TMPRSS15: variants seen among roughly 807,000 people sequenced by gnomAD.
TMPRSS15 encodes transmembrane serine protease 15.
TMPRSS15 carries 128 observed loss-of-function variants against 125.3 expected under a neutral mutation model. The observed-to-expected ratio is 1.02, with a 90% CI of 0.89 to 1.18. TMPRSS15 has a LOEUF of 1.18. Among genes scored for constraint, TMPRSS15 ranks in the 50% most tolerant of loss-of-function variants. TMPRSS15 has a pLI of 0.00. For synonymous variants in TMPRSS15, 446 were observed against 423.2 expected (o/e 1.05, Z -0.66); for missense variants, 1,283 against 1,212.7 (o/e 1.06, Z -0.86).
chr21:18,292,048 C>G (rs726490), intron 21 of TMPRSS15, among the ~76,000 whole-genome samples: 123,689 of 152,146 alleles, frequency 0.81, 50,405 homozygotes, highest in Non-Finnish European at 0.83. Flanking sequence ...AAGATACCTA[C>G]GAGGACACAT....
intron 1 of TMPRSS15, among the ~76,000 whole-genome samples, chr21:18,433,479 G>A (rs1245259412): frequency 6.6e-6 from 1 of 151,794 alleles, no homozygotes; most frequent in African/African-American, 2.4e-5. Flanking sequence ...GATTGCTTGA[G>A]CCCAGGAGTT....
Position 18,451,894 on chromosome 21 carries a change from CATGCATGCATAATTTT to C in TMPRSS15, c.10+33889_10+33904del, listed in dbSNP as rs901749433. On this transcript the variant is annotated intron_variant, in intron 1 of 7. Transcript: ENST00000422787. ...CATGGCATGCATAAGACATGCATGA[CATGCATGCATAATTTT>C]ATGCATGCATAATTTTATGTATGCA... is the stretch of plus-strand genomic sequence containing the variant. 1.4e-3 allele frequency among the ~76,000 whole-genome samples: 169 copies of C among 124,184 alleles called. 1 individual carries two copies. The highest frequency in any genetic ancestry group is 3.8e-3 in the African/African-American group (115 of 30,174). 81.5% of individuals were successfully genotyped at this position (124,184 alleles called of 152,430 possible).
chr21:18,282,106 A>C (rs910846110), intron 21 of TMPRSS15, among the ~76,000 whole-genome samples: 5 of 150,192 alleles, frequency 3.3e-5, no homozygotes, highest in African/African-American at 4.9e-5. Flanking sequence ...TCAAAAAAAA[A>C]AAAAAAAAAA....
chr21:18,392,615 T>C (rs1047313493), intron 3 of TMPRSS15, among the ~76,000 whole-genome samples: 2 of 152,288 alleles, frequency 1.3e-5, no homozygotes, highest in Middle Eastern at 3.4e-3. Flanking sequence ...CAATGTCACT[T>C]CCACATTTTC....
chr21:18,317,936 A>T (rs1199524661), intron 16 of TMPRSS15, among the ~76,000 whole-genome samples: 1 of 145,586 alleles, frequency 6.9e-6, no homozygotes, highest in African/African-American at 2.6e-5. Flanking sequence ...TTCCATAACA[A>T]GGCATAAAAT....
At chr21:18,343,905 A>G in intron 11 of TMPRSS15, 50 bp downstream of exon 11, 2 of 1,526,570 alleles carry the variant, frequency 1.3e-6, no homozygotes, top group Non-Finnish European at 1.8e-6. Context: ...TGAGCAAGGC[A>G]ATGTTACCCA....
intron 1 of TMPRSS15, chr21:18,477,453 G>A (rs1978901673): frequency 6.6e-6 from 1 of 152,106 alleles, no homozygotes; most frequent in Non-Finnish European, 1.5e-5. Flanking sequence ...AAATGATAGA[G>A]TCCATTATTA....
chr21:18,401,860 A>C (rs1489199550), intron 1 of TMPRSS15, among the ~76,000 whole-genome samples: 1 of 152,154 alleles, frequency 6.6e-6, no homozygotes, highest in Admixed American at 6.5e-5. Context: ...ATAAATATTT[A>C]TTTTCTCTTT....
chr21:18,325,020 G>T lies in TMPRSS15; in HGVS notation c.1921+1412C>A, dbSNP rs140945202. On this transcript the variant is annotated intron_variant, in intron 16 of 24. Coordinates refer to ENST00000284885, the MANE Select transcript of TMPRSS15 (RefSeq NM_002772.3). ...AAGATGACATTTTCAAAATTATCTTGATTAACATTTTCCAAAGCAATGATC... is the reference window on the plus strand; with the variant it reads ...AAGATGACATTTTCAAAATTATCTTTATTAACATTTTCCAAAGCAATGATC... Among the ~76,000 whole-genome samples the T allele has an allele frequency of 6.6e-3, 1,003 of 152,088 alleles. 17 individuals are homozygous for T. Among genetic ancestry groups the T allele is most frequent in the African/African-American group, 0.022 (932 of 41,502 alleles).
chr21:18,479,684 T>C (rs1444487579), intron 1 of TMPRSS15, among the ~76,000 whole-genome samples: 5 of 151,822 alleles, frequency 3.3e-5, no homozygotes, highest in Non-Finnish European at 1.5e-5. Context: ...AAAACCACAA[T>C]GAGATACCAT....
In TMPRSS15 at chr21:18,315,167, C is replaced by T. The variant is rs1376934976; in HGVS notation, c.2011G>A (p.Gly671Ser). Residue 671 changes from glycine to serine, a missense_variant, in exon 17 of 25, where the codon GGC (glycine) becomes AGC (serine). Transcript: ENST00000284885. The stretch of plus-strand genomic sequence containing the variant: ...ATACCACAATCTGCTTCATCTGAGC[C>T]ATCCTCACAGTGCAGATGACCGTCA... ...LCDGHLHCED[G>S]SDEADCVRFF... 1 of 1,613,552 alleles carries T rather than the reference C, an allele frequency of 6.2e-7. No homozygotes were observed. Among genetic ancestry groups the T allele is most frequent in the Admixed American group, 1.7e-5 (1 of 60,012 alleles).
intron 10 of TMPRSS15, among the ~76,000 whole-genome samples, chr21:18,345,762 A>AAAAAAAAAT (rs2075501908): frequency 7.0e-6 from 1 of 143,674 alleles, no homozygotes; most frequent in African/African-American, 2.5e-5. Context: ...AAAAAAAAAA[A>AAAAAAAAAT]TCCACTGAAT....
chr21:18,328,447 A>T (rs1440002126), intron 15 of TMPRSS15, among the ~76,000 whole-genome samples: 1 of 152,230 alleles, frequency 6.6e-6, no homozygotes, highest in East Asian at 1.9e-4. Context: ...ATCTTTGGAC[A>T]TCCGATGTAC....
chr21:18,371,419 G>T (rs2075790861), intron 6 of TMPRSS15, among the ~76,000 whole-genome samples: 2 of 152,136 alleles, frequency 1.3e-5, no homozygotes, highest in African/African-American at 4.8e-5. Flanking sequence ...CTACTTAGAT[G>T]CTGCTTTCTA....
chr21:18,297,914 T>C, intron 18 of TMPRSS15, 85 bp from the exon 19 acceptor site: 1 of 1,039,146 alleles, frequency 9.6e-7, no homozygotes, highest in Non-Finnish European at 1.4e-6. Flanking sequence ...CTTAATGCTA[T>C]GGACATTAAA....
intron 6 of TMPRSS15, among the ~76,000 whole-genome samples, chr21:18,370,654 T>C (rs536099532): frequency 2.7e-4 from 41 of 152,258 alleles, no homozygotes; most frequent in African/African-American, 9.6e-4. Flanking sequence ...TTCCAATATG[T>C]TCTGAGTGTA....
chr21:18,339,349 C>T (rs2075424764), intron 13 of TMPRSS15, among the ~76,000 whole-genome samples: 1 of 152,138 alleles, frequency 6.6e-6, no homozygotes, highest in Non-Finnish European at 1.5e-5. Flanking sequence ...CTAATGGTAG[C>T]TCATTTGTTA....
At chr21:18,372,001 A>AAATATT (rs1471121532) in intron 6 of TMPRSS15, among the ~76,000 whole-genome samples, 192 bp downstream of exon 6, 1 of 151,894 alleles carries the variant, frequency 6.6e-6, no homozygotes, top group African/African-American at 2.4e-5. Flanking sequence ...AAGTTTAGGA[A>AAATATT]AATATTAATA....
At chr21:18,448,583 G>T (rs567992905) in intron 1 of TMPRSS15, among the ~76,000 whole-genome samples, 2 of 152,064 alleles carry the variant, frequency 1.3e-5, no homozygotes, top group Admixed American at 6.6e-5. Context: ...TATTTAGTTG[G>T]ATTTTTTAAA....
Sources: gnomAD v4.1 joint callset for allele counts (sites outside exome capture counted in the v4.1 genomes callset) on GRCh38, gnomAD v4.1.1 for gene constraint, MANE v1.5 for transcripts, NCBI Gene and HGNC (gene_info 2026-07-23, HGNC 2026-07-21) for gene names.